Variants in TPMT observed in about 807,000 individuals in gnomAD.
TPMT encodes S-adenosyl-L-methionine:thiopurine S-methyltransferase.
TPMT carries 18 observed loss-of-function variants against 34.2 expected under a neutral mutation model. That is an observed-to-expected ratio of 0.53 (90% CI 0.36 to 0.78). The LOEUF (loss-of-function observed/expected upper bound fraction) is 0.78. TPMT is among the 30% of genes least tolerant of loss of function. TPMT has a pLI of 0.00. For synonymous variants in TPMT, 69 were observed against 92.4 expected, an observed-to-expected ratio of 0.75 and a Z score of 1.45; for missense variants, 265 against 288.1, an observed-to-expected ratio of 0.92 and a Z score of 0.58.
rs1784307633 is a variant in TPMT at position 18,149,275 on chromosome 6, ATTTC to A, written c.-44-108_-44-105del. 1 of 1,057,016 alleles carries A rather than the reference ATTTC, an allele frequency of 9.5e-7. No individual in the cohort carries two copies. The highest frequency in any genetic ancestry group is 1.4e-6 in the Non-Finnish European group (1 of 723,994). The allele number at this position is 1,057,016 out of a possible 1,614,324, so 65.5% of individuals were successfully genotyped here. A position where few individuals can be genotyped will look rare whatever the true frequency, so the allele number is the denominator to read the frequency against. ...CTTAGCAGTATGACTTTTTAAAAATATTTCTTTCTTTTTTTATTTCTGGTTTTAT... is the reference window on the plus strand; with the variant it reads ...CTTAGCAGTATGACTTTTTAAAAATATTTCTTTTTTTATTTCTGGTTTTAT... On this transcript the variant is annotated intron_variant, in intron 1 of 8. Coordinates refer to ENST00000309983, the MANE Select transcript of TPMT (RefSeq NM_000367.5). The surrounding 1 kb of genome is among the most constrained non-coding windows in gnomAD (Gnocchi z 5.0).
intron 6 of TPMT, among the ~76,000 whole-genome samples, chr6:18,134,790 T>C (rs1383991930): frequency 6.6e-6 from 1 of 152,142 alleles, no homozygotes; most frequent in Non-Finnish European, 1.5e-5. Context: ...GCAAGTCAGC[T>C]ATGTGGGAAT....
chr6:18,153,870 C>G lies in TPMT; in HGVS notation c.-45+1163G>C, dbSNP rs190884134. On this transcript the variant is annotated intron_variant, in intron 1 of 8. Coordinates refer to ENST00000309983, the MANE Select transcript of TPMT (RefSeq NM_000367.5). This position sits in a 1 kb window ranked among gnomAD's most constrained non-coding sequence, Gnocchi z 4.2. The stretch of plus-strand genomic sequence containing the variant: ...AGCCTGGAGTAGCACAACTCTATTC[C>G]TTTCACACAAACTTGAACTGTCTAA... Among the ~76,000 whole-genome samples, 371 of 152,342 alleles carry G rather than the reference C, an allele frequency of 2.4e-3. 3 individuals carry two copies. Among genetic ancestry groups the G allele is most frequent in the African/African-American group, 8.6e-3 (356 of 41,582 alleles).
At position 18,146,178 on chromosome 6, in the gene TPMT, TAC is replaced by T. The variant is rs201226054; in HGVS notation, c.233+1643_233+1644del. ...CAGTAGCTCAGTTCATATATATATA[TAC>T]ATAAAAATAACTGTATTTACGTATA... On this transcript the variant is annotated intron_variant, in intron 3 of 8. Transcript: ENST00000309983. This position sits in a 1 kb window ranked among gnomAD's most constrained non-coding sequence, Gnocchi z 6.2. 2.4e-4 allele frequency among the ~76,000 whole-genome samples: 36 copies of T among 151,624 alleles called. No individual in the cohort carries two copies. Among genetic ancestry groups the T allele is most frequent in the African/African-American group, 8.3e-4 (34 of 41,150 alleles).
intron 1 of TPMT, among the ~76,000 whole-genome samples, chr6:18,151,472 A>T (rs1784353002): frequency 6.6e-6 from 1 of 152,154 alleles, no homozygotes; most frequent in Non-Finnish European, 1.5e-5. Flanking sequence ...TGTCTTAAGA[A>T]AAAAACAAAA....
chr6:18,130,725 A>G lies in TPMT; in HGVS notation c.681T>C (p.His227=), dbSNP rs72552736. The G allele has an allele frequency of 3.1e-6, 5 of 1,613,386 alleles. No individual in the cohort carries two copies. The highest frequency in any genetic ancestry group is 4.2e-6 in the Non-Finnish European group (5 of 1,179,944). The stretch of plus-strand genomic sequence containing the variant: ...AAAGACAGTCAATTCCCCAACTTTT[A>G]TGTCGTTCTTCAAAAGCATCAACCT... ...LEKVDAFEER[H]KSWGIDCLFE... Residue 227 remains histidine (H), a synonymous_variant, in exon 9 of 9, where the codon CAT becomes CAC. Coordinates refer to ENST00000309983, the MANE Select transcript of TPMT (RefSeq NM_000367.5). The surrounding 1 kb of genome is among the most constrained non-coding windows in gnomAD (Gnocchi z 4.2).
At position 18,148,994 on chromosome 6, in the gene TPMT, C is replaced by T; in HGVS notation, c.134G>A (p.Gly45Glu). ...NGKTAFHQEQ[G>E]HQLLKKHLDT... The stretch of plus-strand genomic sequence containing the variant: ...TATACCAAATATTTCTTACTGATGT[C>T]CTTGTTCCTGATGAAAAGCAGTCTT... The change falls in exon 2 of 9, where the codon GGA becomes GAA. Residue 45 changes from glycine (G) to glutamate (E), a missense_variant. Transcript: ENST00000309983. The surrounding 1 kb of genome is among the most constrained non-coding windows in gnomAD (Gnocchi z 4.1). The T allele has an allele frequency of 1.2e-6, 2 of 1,613,680 alleles. No individual in the cohort carries two copies. Among genetic ancestry groups the T allele is most frequent in the Non-Finnish European group, 1.7e-6 (2 of 1,179,942 alleles).
rs1432649142 is a variant in TPMT at position 18,136,068 on chromosome 6, T to C, written c.495-2179A>G. Among the ~76,000 whole-genome samples, 1 of 152,092 alleles carries C rather than the reference T, an allele frequency of 6.6e-6. No individual in the cohort carries two copies. Among genetic ancestry groups the C allele is most frequent in the Non-Finnish European group, 1.5e-5 (1 of 68,018 alleles). On this transcript the variant is annotated intron_variant, in intron 6 of 8. Coordinates refer to ENST00000309983, the MANE Select transcript of TPMT (RefSeq NM_000367.5). This position sits in a 1 kb window ranked among gnomAD's most constrained non-coding sequence, Gnocchi z 4.7. ...CACCTCAGCCTCCCAAAGTGCTGGGTCCGCTCTTGGTCTGCACGTGGTGAC... is the reference window on the plus strand; with the variant it reads ...CACCTCAGCCTCCCAAAGTGCTGGGCCCGCTCTTGGTCTGCACGTGGTGAC...
intron 1 of TPMT, among the ~76,000 whole-genome samples, chr6:18,151,866 A>G (rs1261252834): frequency 6.6e-6 from 1 of 152,162 alleles, no homozygotes; most frequent in Non-Finnish European, 1.5e-5. Context: ...ATATAAGAAA[A>G]GAAGAGAAGT....
intron 1 of TPMT, among the ~76,000 whole-genome samples, chr6:18,152,142 C>CT (rs1309049757): frequency 1.3e-5 from 2 of 152,212 alleles, no homozygotes; most frequent in Non-Finnish European, 2.9e-5. Context: ...TACTCTCACA[C>CT]TTTATGGAGG....
At position 18,150,892 on chromosome 6, in the gene TPMT, T is replaced by C. The variant is rs536738575; in HGVS notation, c.-44-1721A>G. 2.0e-5 allele frequency among the ~76,000 whole-genome samples: 3 copies of C among 152,248 alleles called. No individual in the cohort carries two copies. The South Asian group carries it at 6.2e-4, about 32-fold the overall frequency. On this transcript the variant is annotated intron_variant, in intron 1 of 8. Coordinates refer to ENST00000309983, the MANE Select transcript of TPMT (RefSeq NM_000367.5). The surrounding 1 kb of genome is among the most constrained non-coding windows in gnomAD (Gnocchi z 5.3). ...CCAGGTCCAGCTAATTTTTGTGTTT[T>C]TAATAGAGATGAGATTTGACCATGT... is the stretch of plus-strand genomic sequence containing the variant.
In TPMT at chr6:18,131,415, C is replaced by G. The variant is rs1471100758; in HGVS notation, c.626-635G>C. Among the ~76,000 whole-genome samples the G allele has an allele frequency of 6.6e-6, 1 of 151,902 alleles. No individual in the cohort carries two copies. The highest frequency in any genetic ancestry group is 1.9e-4 in the East Asian group (1 of 5,156). On this transcript the variant is annotated intron_variant, in intron 8 of 8. Transcript: ENST00000309983. The surrounding 1 kb of genome is among the most constrained non-coding windows in gnomAD (Gnocchi z 4.3). ...GCAATGTGGTTAAACCCCATCTCTA[C>G]AAAAAAATAGAAAAATTAGCTAAGC...
In TPMT at chr6:18,144,883, G is replaced by A. The variant is rs553249152; in HGVS notation, c.234-1155C>T. On this transcript the variant is annotated intron_variant, in intron 3 of 8. Transcript: ENST00000309983. ...TTACAGGTGTGCCCCACCATACCCG[G>A]CTAATTTTTGTATTTTTAGTAGAGA... 7.3e-5 allele frequency among the ~76,000 whole-genome samples: 11 copies of A among 150,374 alleles called. No homozygotes were observed. In the East Asian group the frequency reaches 1.2e-3, roughly 16 times the overall value.
At chr6:18,152,591 CTT>C (rs572086653) in intron 1 of TPMT, among the ~76,000 whole-genome samples, 24 of 128,684 alleles carry the variant, frequency 1.9e-4, no homozygotes, top group Admixed American at 1.6e-4. Context: ...TTCTTTCTTT[CTT>C]TTTTTTTTTT....
At position 18,143,876 on chromosome 6, in the gene TPMT, GA is replaced by G; in HGVS notation, c.234-149del. 1.9e-6 allele frequency: 2 copies of G among 1,080,310 alleles called. No individual in the cohort carries two copies. Among genetic ancestry groups the G allele is most frequent in the Non-Finnish European group, 2.6e-6 (2 of 755,510 alleles). The allele number at this position is 1,080,310 out of a possible 1,614,324, so 66.9% of individuals were successfully genotyped here. On this transcript the variant is annotated intron_variant, in intron 3 of 8. Coordinates refer to ENST00000309983, the MANE Select transcript of TPMT (RefSeq NM_000367.5). This position sits in a 1 kb window ranked among gnomAD's most constrained non-coding sequence, Gnocchi z 6.1. ...GTTTCAAAGAACATGCAGGAAAGCA[GA>G]TCTATATTATTTTCAAACCTTATAA...
chr6:18,139,594 T>A lies in TPMT; in HGVS notation c.419+71A>T. The A allele has an allele frequency of 8.1e-7, 1 of 1,233,940 alleles. No individual in the cohort carries two copies. Among genetic ancestry groups the A allele is most frequent in the Non-Finnish European group, 1.2e-6 (1 of 836,844 alleles). 76.4% of individuals were successfully genotyped at this position (1,233,940 alleles called of 1,614,324 possible). ...GGAGGAAGAGAGTGAGGAAGACACCTCCACTCCCATGCCTGCACTGCCTGG... is the reference window on the plus strand; with the variant it reads ...GGAGGAAGAGAGTGAGGAAGACACCACCACTCCCATGCCTGCACTGCCTGG... On this transcript the variant is annotated intron_variant, in intron 5 of 8. Transcript: ENST00000309983. The surrounding 1 kb of genome is among the most constrained non-coding windows in gnomAD (Gnocchi z 4.2).
At position 18,148,868 on chromosome 6, in the gene TPMT, A is replaced by C; in HGVS notation, c.140+120T>G. The C allele has an allele frequency of 6.8e-7, 1 of 1,474,660 alleles. No homozygotes were observed. Among genetic ancestry groups the C allele is most frequent in the Non-Finnish European group, 9.4e-7 (1 of 1,064,870 alleles). 91.3% of individuals were successfully genotyped at this position (1,474,660 alleles called of 1,614,324 possible). Reference sequence around the variant, plus strand: ...TGCACTGTGACTCGGGAGACACAAAAATGTGAAGAATTAAATGTGCATCCT... The same window carrying C: ...TGCACTGTGACTCGGGAGACACAAACATGTGAAGAATTAAATGTGCATCCT... On this transcript the variant is annotated intron_variant, in intron 2 of 8. Coordinates refer to ENST00000309983, the MANE Select transcript of TPMT (RefSeq NM_000367.5). This position sits in a 1 kb window ranked among gnomAD's most constrained non-coding sequence, Gnocchi z 4.1.
rs1783933723 is a variant in TPMT, at chr6:18,131,236, A to C, written c.626-456T>G. On this transcript the variant is annotated intron_variant, in intron 8 of 8. Transcript: ENST00000309983. The surrounding 1 kb of genome is among the most constrained non-coding windows in gnomAD (Gnocchi z 4.3). ...CAAAACAGAGGAATGCTAAGGGCAA[A>C]TTTCCTGAACTCTGAATTGTTATTA... Among the ~76,000 whole-genome samples the C allele has an allele frequency of 6.6e-6, 1 of 152,164 alleles. No individual in the cohort carries two copies. The highest frequency in any genetic ancestry group is 1.5e-5 in the Non-Finnish European group (1 of 68,026).
intron 4 of TPMT, among the ~76,000 whole-genome samples, chr6:18,141,582 C>T (rs769917156): frequency 3.3e-5 from 5 of 152,116 alleles, no homozygotes; most frequent in Non-Finnish European, 7.4e-5. Context: ...TCAAGTGATC[C>T]ACCCACCTTG....
chr6:18,129,763 A>G lies in TPMT; in HGVS notation c.*905T>C, dbSNP rs185197206. 43 of 152,276 alleles carry G rather than the reference A, an allele frequency of 2.8e-4. 1 individual carries two copies. Among genetic ancestry groups the G allele is most frequent in the Admixed American group, 2.0e-3 (31 of 15,294 alleles). 9.4% of individuals were successfully genotyped at this position (152,276 alleles called of 1,614,324 possible). A position where few individuals can be genotyped will look rare whatever the true frequency, so the allele number is the denominator to read the frequency against. On this transcript the variant is annotated 3_prime_UTR_variant, in exon 9 of 9. Transcript: ENST00000309983. ...TAGAATTTGGGAATGTTTGTTCCAT[A>G]TAGATTGTTTAATTAAAATGTATTT...
Sources: gnomAD v4.1 joint callset for allele counts (sites outside exome capture counted in the v4.1 genomes callset) on GRCh38, gnomAD v4.1.1 for gene constraint, Gnocchi (gnomAD v3.1) non-coding constraint, MANE v1.5 for transcripts, NCBI Gene and HGNC (gene_info 2026-07-23, HGNC 2026-07-21) for gene names.